The following HDAC4 variants were observed in gnomAD, a reference collection of about 807,000 sequenced individuals.
HDAC4 encodes histone deacetylase 4.
Under a neutral mutation model 135.1 loss-of-function variants are expected in HDAC4, and 16 were observed. The observed-to-expected ratio is 0.12, with a 90% CI of 0.08 to 0.18. HDAC4 has a LOEUF of 0.18. Among genes scored for constraint, HDAC4 ranks in the 10% least tolerant of loss-of-function variants. The pLI is 1.00. For synonymous variants in HDAC4, 685 were observed against 653.4 expected (o/e 1.05, Z -0.74); for missense variants, 1,143 against 1,511.8 (o/e 0.76, Z 4.05).
rs1180019773 is a variant in HDAC4 at position 239,395,493 on chromosome 2, T to C, written c.-220+5485A>G. Among the ~76,000 whole-genome samples the C allele has an allele frequency of 2.0e-5, 3 of 152,236 alleles. No homozygotes were observed. The East Asian group carries it at 5.8e-4, about 29-fold the overall frequency. ...GCATATTTATCAACTTGCCAAGGAC[T>C]TAAAGAGTACTTTTCTTTCCAATGA... On this transcript the variant is annotated intron_variant, in intron 1 of 26. Transcript: ENST00000543185.
At chr2:239,319,280 C>T (rs981233845) in intron 2 of HDAC4, among the ~76,000 whole-genome samples, 12 of 152,370 alleles carry the variant, frequency 7.9e-5, no homozygotes, top group Admixed American at 2.0e-4. Flanking sequence ...AGGCAGCACA[C>T]GGCCGCAGCC....
At position 239,306,499 on chromosome 2, in the gene HDAC4, C is replaced by T. The variant is rs552362555; in HGVS notation, c.22+46179G>A. ...GCTATCCTGTGTCCCATACTCGGCC[C>T]GTAGAGCCATCAAATCATCTGGGCC... On this transcript the variant is annotated intron_variant, in intron 2 of 26. Transcript: ENST00000543185. This position sits in a 1 kb window ranked among gnomAD's most constrained non-coding sequence, Gnocchi z 4.5. Among the ~76,000 whole-genome samples, 21 of 152,254 alleles carry T rather than the reference C, an allele frequency of 1.4e-4. No homozygotes were observed. The highest frequency in any genetic ancestry group is 1.9e-4 in the East Asian group (1 of 5,164).
intron 12 of HDAC4, among the ~76,000 whole-genome samples, chr2:239,120,398 CACAG>C (rs2039551500): frequency 3.4e-5 from 5 of 148,028 alleles, no homozygotes; most frequent in African/African-American, 9.8e-5. Context: ...CACAGACGCA[CACAG>C]ACACACACAC....
intron 1 of HDAC4, among the ~76,000 whole-genome samples, chr2:239,378,820 T>C (rs1695212689): frequency 6.6e-6 from 1 of 152,232 alleles, no homozygotes; most frequent in Admixed American, 6.5e-5. Context: ...CTCTCCTTCC[T>C]GCCTTGGCAG....
chr2:239,128,006 C>A (rs1478954729), intron 11 of HDAC4, among the ~76,000 whole-genome samples: 1 of 152,212 alleles, frequency 6.6e-6, no homozygotes, highest in Non-Finnish European at 1.5e-5. Context: ...ACACAAAGGA[C>A]ACATCCAGAC....
chr2:239,053,612 G>A lies in HDAC4; in HGVS notation c.3089-11C>T. ...AGCGCCAGTACTTGCCTGGGGTGGT[G>A]GGGTGAGGAAAGTCGCTCAGTGACT... On this transcript the variant is annotated splice_polypyrimidine_tract_variant and intron_variant, in intron 25 of 26. Transcript: ENST00000543185. The A allele has an allele frequency of 6.2e-7, 1 of 1,612,828 alleles. No individual in the cohort carries two copies. Among genetic ancestry groups the A allele is most frequent in the Non-Finnish European group, 8.5e-7 (1 of 1,179,664 alleles).
intron 24 of HDAC4, among the ~76,000 whole-genome samples, chr2:239,064,786 C>T (rs116291890): frequency 4.1e-4 from 63 of 152,286 alleles, no homozygotes; most frequent in African/African-American, 1.3e-3. Flanking sequence ...TTTGTTCTAA[C>T]GCTCACAATG....
chr2:239,347,890 C>T (rs535829331), intron 2 of HDAC4, among the ~76,000 whole-genome samples: 99 of 152,336 alleles, frequency 6.5e-4, no homozygotes, highest in Middle Eastern at 3.4e-3. Context: ...CTCAAGTTAC[C>T]GACCACTGCC....
In HDAC4 at chr2:239,297,150, C is replaced by T. The variant is rs771648133; in HGVS notation, c.22+55528G>A. Among the ~76,000 whole-genome samples the T allele has an allele frequency of 3.3e-5, 5 of 152,010 alleles. No homozygotes were observed. In the East Asian group the frequency reaches 9.6e-4, roughly 29 times the overall value. On this transcript the variant is annotated intron_variant, in intron 2 of 26. Transcript: ENST00000543185. ...AAGCCTCTGGACCCCATGTGCTGCTCTTTGTAAGCTCTGACAGAAGTGGAG... is the reference window on the plus strand; with the variant it reads ...AAGCCTCTGGACCCCATGTGCTGCTTTTTGTAAGCTCTGACAGAAGTGGAG...
At chr2:239,085,316 C>G (rs1314418611) in intron 19 of HDAC4, among the ~76,000 whole-genome samples, 2 of 152,142 alleles carry the variant, frequency 1.3e-5, no homozygotes, top group Non-Finnish European at 2.9e-5. Context: ...GAAAGTGATT[C>G]AAATAACAAC....
chr2:239,121,331 T>C (rs1049683861), intron 12 of HDAC4, among the ~76,000 whole-genome samples: 1 of 152,160 alleles, frequency 6.6e-6, no homozygotes, highest in Non-Finnish European at 1.5e-5. Flanking sequence ...TATGCACAGA[T>C]GAATGGCGGT....
At chr2:239,300,025 G>A (rs1018828494) in intron 2 of HDAC4, among the ~76,000 whole-genome samples, 1 of 152,164 alleles carries the variant, frequency 6.6e-6, no homozygotes, top group African/African-American at 2.4e-5. Flanking sequence ...ATGCCACTGA[G>A]GGCATTTCTG....
intron 1 of HDAC4, among the ~76,000 whole-genome samples, chr2:239,370,234 G>C (rs554947585): frequency 2.8e-4 from 43 of 152,332 alleles, no homozygotes; most frequent in African/African-American, 8.9e-4. Flanking sequence ...ACAACCGTCA[G>C]AGAGTGGTGC....
chr2:239,352,682 A>T lies in HDAC4; in HGVS notation c.18T>A (p.His6Gln). 6.4e-7 allele frequency: 1 copy of T among 1,556,698 alleles called. No homozygotes were observed. The highest frequency in any genetic ancestry group is 1.4e-5 in the African/African-American group (1 of 73,450). Residue 6 changes from histidine to glutamine, a missense_variant, in exon 2 of 27, where the codon CAT becomes CAA. Physicochemically the swap from His to Gln is conservative, Grantham distance 24. Around this residue, in one of 9 missense-constraint regions of HDAC4, gnomAD observed 247 missense variants for 310.0 expected, o/e 0.80. Transcript: ENST00000543185. This position sits in a 1 kb window ranked among gnomAD's most constrained non-coding sequence, Gnocchi z 4.4. ...GAAGAAATGACCCGGCCTTACCTGG[A>T]TGGCTTTGGGAGCTCATTGCTAGCA... MSSQSHPDGLSGRDQP... is the reference protein window; with the variant it reads MSSQSQPDGLSGRDQP...
intron 4 of HDAC4, chr2:239,187,132 G>A (rs1219470712): frequency 6.5e-6 from 1 of 152,702 alleles, no homozygotes; most frequent in Non-Finnish European, 1.5e-5. Flanking sequence ...GAGCCCCTGA[G>A]GCCATCCTCA....
rs2039475265 is a variant in HDAC4, at chr2:239,119,814, CTAA to C, written c.1534-4507_1534-4505del. 2.6e-5 allele frequency among the ~76,000 whole-genome samples: 4 copies of C among 152,306 alleles called. 1 individual carries two copies. The South Asian group carries it at 8.3e-4, about 32-fold the overall frequency. ...GTCCTGCCTGTGCCACAGGAAGGTG[CTAA>C]TGAGTCAGCGCGAGGGCAGGGGAAT... is the stretch of plus-strand genomic sequence containing the variant. On this transcript the variant is annotated intron_variant, in intron 12 of 26. Transcript: ENST00000543185.
chr2:239,275,074 G>A (rs1050468432), intron 2 of HDAC4, among the ~76,000 whole-genome samples: 3 of 152,356 alleles, frequency 2.0e-5, no homozygotes, highest in East Asian at 1.9e-4. Context: ...AGGATTACAC[G>A]TAGGAAGCCA....
At chr2:239,238,200 T>C (rs1011725966) in intron 2 of HDAC4, among the ~76,000 whole-genome samples, 4 of 151,912 alleles carry the variant, frequency 2.6e-5, no homozygotes, top group African/African-American at 7.3e-5. Flanking sequence ...AGCCTTTTTT[T>C]CCCCTAAAAA....
At chr2:239,380,560 A>G (rs955138420) in intron 1 of HDAC4, among the ~76,000 whole-genome samples, 10 of 152,186 alleles carry the variant, frequency 6.6e-5, no homozygotes, top group Admixed American at 2.6e-4. Flanking sequence ...TAGCTATTTA[A>G]TGGGTGTATG....
Sources: gnomAD v4.1 joint callset for allele counts (sites outside exome capture counted in the v4.1 genomes callset) on GRCh38, gnomAD v4.1.1 for gene constraint, gnomAD v4.1.1 regional missense constraint, Gnocchi (gnomAD v3.1) non-coding constraint, MANE v1.5 for transcripts, NCBI Gene and HGNC (gene_info 2026-07-23, HGNC 2026-07-21) for gene names.